ZNF169: variants seen among roughly 807,000 people sequenced by gnomAD.
The protein encoded by ZNF169 is zinc finger protein 169.
ZNF169 carries 11 observed loss-of-function variants against 12.0 expected under a neutral mutation model. The observed-to-expected ratio is 0.92, with a 90% CI of 0.58 to 1.52. ZNF169 has a LOEUF of 1.52. Ranked by LOEUF, ZNF169 falls within the 40% of genes most tolerant of loss-of-function variation. The pLI, the probability that ZNF169 is intolerant of heterozygous loss-of-function variation, is 0.00. For synonymous variants in ZNF169, 302 were observed against 286.5 expected (o/e 1.05, Z -0.55); for missense variants, 722 against 744.0 (o/e 0.97, Z 0.34).
intron 1 of ZNF169, among the ~76,000 whole-genome samples, chr9:94,261,245 G>A (rs1053203546): frequency 1.3e-5 from 2 of 152,108 alleles, no homozygotes; most frequent in East Asian, 1.9e-4. Flanking sequence ...GGATGGTCTC[G>A]ATCTCCCGAC....
intron 1 of ZNF169, among the ~76,000 whole-genome samples, chr9:94,277,414 T>C (rs1246885138): frequency 2.0e-5 from 3 of 152,138 alleles, no homozygotes; most frequent in Non-Finnish European, 2.9e-5. Flanking sequence ...GGATTCTCTA[T>C]AGAATATGGA....
chr9:94,296,265 A>G lies in ZNF169; in HGVS notation c.256+3196A>G, dbSNP rs188606687. 9.8e-5 allele frequency among the ~76,000 whole-genome samples: 15 copies of G among 152,328 alleles called. No individual in the cohort carries two copies. The South Asian group carries it at 2.3e-3, about 23-fold the overall frequency. ...AGTTTGAGAGTTCTTCACATATTCT[A>G]TGTAGAAGTCCATTATCAGATATAT... On this transcript the variant is annotated intron_variant, in intron 4 of 4. Coordinates refer to ENST00000395395, the MANE Select transcript of ZNF169 (RefSeq NM_194320.4).
intron 4 of ZNF169, 68 bp downstream of exon 4, chr9:94,293,137 G>A (rs1287782536): frequency 1.4e-6 from 2 of 1,399,812 alleles, no homozygotes; most frequent in African/African-American, 1.4e-5. Context: ...AGGAAGGAGG[G>A]GCTATCTTTG....
At position 94,292,350 on chromosome 9, in the gene ZNF169, G is replaced by C; in HGVS notation, c.43G>C (p.Ala15Pro). 6.2e-7 allele frequency: 1 copy of C among 1,614,140 alleles called. No individual in the cohort carries two copies. Among genetic ancestry groups the C allele is most frequent in the Non-Finnish European group, 8.5e-7 (1 of 1,180,044 alleles). Residue 15 changes from alanine to proline, a missense_variant, in exon 3 of 5, where the codon GCC (alanine) becomes CCC (proline). By Grantham distance (27) the Ala-to-Pro change is conservative (BLOSUM62 -1). Transcript: ENST00000395395. ...LLTTRKEALMAFRDVAVAFTQ... is the reference protein window; with the variant it reads ...LLTTRKEALMPFRDVAVAFTQ... ...TGTGTTTGTGTTACAGGCATTGATG[G>C]CCTTCCGGGATGTGGCTGTGGCCTT... is the stretch of plus-strand genomic sequence containing the variant.
At chr9:94,264,154 T>C (rs1207736005) in intron 1 of ZNF169, among the ~76,000 whole-genome samples, 1 of 152,206 alleles carries the variant, frequency 6.6e-6, no homozygotes, top group Non-Finnish European at 1.5e-5. Flanking sequence ...TTTATCTTTT[T>C]GAGGTGGCGT....
chr9:94,270,745 T>TA (rs1190750024), intron 1 of ZNF169, among the ~76,000 whole-genome samples: 5 of 91,454 alleles, frequency 5.5e-5, no homozygotes, highest in East Asian at 6.3e-4. Flanking sequence ...AATTAATGTA[T>TA]TTATATAATA....
At chr9:94,279,677 A>G (rs1168433906) in intron 2 of ZNF169, among the ~76,000 whole-genome samples, 1 of 152,026 alleles carries the variant, frequency 6.6e-6, no homozygotes, top group Admixed American at 6.6e-5. Context: ...CAAGAATCCT[A>G]TCCCTTTTCA....
At chr9:94,266,108 C>A (rs951053147) in intron 1 of ZNF169, among the ~76,000 whole-genome samples, 4 of 147,528 alleles carry the variant, frequency 2.7e-5, no homozygotes, top group African/African-American at 1.0e-4. Context: ...AAAAAAAATT[C>A]TTAGTTATTT....
intron 1 of ZNF169, among the ~76,000 whole-genome samples, chr9:94,259,635 A>G (rs893047788): frequency 2.0e-5 from 3 of 152,046 alleles, no homozygotes; most frequent in African/African-American, 7.2e-5. Flanking sequence ...CAGGCCTGGG[A>G]CCGACTTCCC....
At position 94,299,853 on chromosome 9, in the gene ZNF169, G is replaced by C. The variant is rs1214374372; in HGVS notation, c.295G>C (p.Val99Leu). Residue 99 changes from valine (V) to leucine (L), a missense_variant, in exon 5 of 5, where the codon GTG becomes CTG. By Grantham distance (32) the Val-to-Leu change is conservative (BLOSUM62 1). Transcript: ENST00000395395. ...ATTCCAGCCAAGTTTTCCCCACCTG[G>C]TGGCCTTTTCTAGCTCGCAGCTCCT... The part of the protein sequence containing the change: ...TEFQPSFPHL[V>L]AFSSSQLLRQ... 6.2e-7 allele frequency: 1 copy of C among 1,613,870 alleles called. No individual in the cohort carries two copies. Among genetic ancestry groups the C allele is most frequent in the Admixed American group, 1.7e-5 (1 of 60,006 alleles).
At chr9:94,261,802 A>C (rs1830213100) in intron 1 of ZNF169, among the ~76,000 whole-genome samples, 1 of 152,208 alleles carries the variant, frequency 6.6e-6, no homozygotes, top group Non-Finnish European at 1.5e-5. Flanking sequence ...ACAAAATTCA[A>C]ATGTCATATC....
chr9:94,269,876 T>C (rs1180150854), intron 1 of ZNF169, among the ~76,000 whole-genome samples: 1 of 152,188 alleles, frequency 6.6e-6, no homozygotes. Context: ...GGAGCCTCAG[T>C]AAATTTACTT....
intron 1 of ZNF169, among the ~76,000 whole-genome samples, chr9:94,262,400 G>A (rs905712867): frequency 1.3e-5 from 2 of 151,854 alleles, no homozygotes; most frequent in African/African-American, 4.8e-5. Flanking sequence ...TGAGGTCAGC[G>A]AGATCTACTG....
chr9:94,272,181 T>C (rs1830436167), intron 1 of ZNF169, among the ~76,000 whole-genome samples: 3 of 152,138 alleles, frequency 2.0e-5, no homozygotes, highest in African/African-American at 7.2e-5. Context: ...TCATTCCTGA[T>C]CTTGGAAATT....
chr9:94,261,128 G>C (rs530835229), intron 1 of ZNF169, among the ~76,000 whole-genome samples: 1 of 152,050 alleles, frequency 6.6e-6, no homozygotes, highest in East Asian at 1.9e-4. Flanking sequence ...TGCAAACTCC[G>C]CCTCCCGGGT....
At chr9:94,273,937 G>A (rs1208321382) in intron 1 of ZNF169, among the ~76,000 whole-genome samples, 2 of 152,094 alleles carry the variant, frequency 1.3e-5, no homozygotes, top group East Asian at 1.9e-4. Context: ...CATTTGCTAG[G>A]GCTGCCATAA....
In ZNF169 at chr9:94,300,107, A is replaced by G; in HGVS notation, c.549A>G (p.Gly183=). Residue 183 remains glycine, a synonymous_variant, in exon 5 of 5, where the codon GGA becomes GGG. Transcript: ENST00000395395. ...VEWVEGNREG[G]TDLRLAQRMS... ...GGGTAGAAGGGAACAGAGAAGGAGG[A>G]ACAGACCTTCGCCTGGCCCAAAGGA... The G allele has an allele frequency of 6.2e-7, 1 of 1,614,186 alleles. No individual in the cohort carries two copies.
chr9:94,290,792 A>G (rs1257320379), intron 2 of ZNF169, among the ~76,000 whole-genome samples: 1 of 152,128 alleles, frequency 6.6e-6, no homozygotes, highest in African/African-American at 2.4e-5. Context: ...TAGGAGTGGA[A>G]TTGTTGGATC....
At chr9:94,267,902 G>A (rs892415169) in intron 1 of ZNF169, among the ~76,000 whole-genome samples, 1 of 100,748 alleles carries the variant, frequency 9.9e-6, no homozygotes, top group African/African-American at 3.7e-5. Context: ...TTTTGCTCTT[G>A]TTGCCCAGGA....
Sources: gnomAD v4.1 joint callset for allele counts (sites outside exome capture counted in the v4.1 genomes callset) on GRCh38, gnomAD v4.1.1 for gene constraint, MANE v1.5 for transcripts, NCBI Gene and HGNC (gene_info 2026-07-23, HGNC 2026-07-21) for gene names.